The following LGR4 variants were observed in gnomAD, a reference collection of about 807,000 sequenced individuals.
The protein encoded by LGR4 is leucine rich repeat containing G protein-coupled receptor 4.
Under a neutral mutation model 84.8 loss-of-function variants are expected in LGR4, and 44 were observed. The observed-to-expected ratio is 0.52, with a 90% CI of 0.41 to 0.67. LGR4 has a LOEUF of 0.67. LGR4 is among the 30% of genes least tolerant of loss of function. LGR4 has a pLI of 0.00. For missense variants in LGR4, 1,032 were observed against 1,131.4 expected, an observed-to-expected ratio of 0.91 and a Z score of 1.26; for synonymous variants, 429 against 434.3, an observed-to-expected ratio of 0.99 and a Z score of 0.15.
intron 17 of LGR4, 145 bp from the exon 18 acceptor site, chr11:27,369,288 C>A: frequency 1.9e-6 from 1 of 534,614 alleles, no homozygotes; most frequent in Non-Finnish European, 3.0e-6. Flanking sequence ...ATTACTAGTT[C>A]TAAGATATTT....
intron 2 of LGR4, among the ~76,000 whole-genome samples, chr11:27,402,410 GA>G (rs1863521029): frequency 8.1e-6 from 1 of 123,050 alleles, no homozygotes; most frequent in South Asian, 2.4e-4. Flanking sequence ...GAGCACACTA[GA>G]AAGTAAGGAG....
chr11:27,402,049 T>C (rs1863514893), intron 2 of LGR4, among the ~76,000 whole-genome samples: 1 of 152,182 alleles, frequency 6.6e-6, no homozygotes, highest in African/African-American at 2.4e-5. Flanking sequence ...AGAGGTACTC[T>C]GGCAGACAGA....
chr11:27,381,581 C>A (rs1446053467), intron 7 of LGR4, among the ~76,000 whole-genome samples: 1 of 152,080 alleles, frequency 6.6e-6, no homozygotes, highest in African/African-American at 2.4e-5. Context: ...ACCCAGGAAG[C>A]TAAGATGGGA....
chr11:27,451,765 C>T (rs1187744091), intron 1 of LGR4, among the ~76,000 whole-genome samples: 1 of 152,164 alleles, frequency 6.6e-6, no homozygotes, highest in Non-Finnish European at 1.5e-5. Context: ...AAACACCATT[C>T]AGCTACTAAT....
intron 9 of LGR4, 48 bp downstream of exon 9, chr11:27,380,590 TAA>T: frequency 8.0e-7 from 1 of 1,251,262 alleles, no homozygotes; most frequent in Non-Finnish European, 1.1e-6. Flanking sequence ...TGTTTTCCAC[TAA>T]AACAACTGTA....
intron 2 of LGR4, among the ~76,000 whole-genome samples, chr11:27,393,894 G>A: frequency 8.4e-6 from 1 of 118,378 alleles, no homozygotes. Flanking sequence ...CCTGGGAAGT[G>A]TAATCCTTAC....
At chr11:27,431,796 G>A (rs953532736) in intron 1 of LGR4, among the ~76,000 whole-genome samples, 4 of 152,210 alleles carry the variant, frequency 2.6e-5, no homozygotes, top group Non-Finnish European at 5.9e-5. Context: ...AGTAGAACAT[G>A]ACTTTCAGCA....
intron 1 of LGR4, among the ~76,000 whole-genome samples, chr11:27,466,529 C>T (rs1864780648): frequency 6.6e-6 from 1 of 152,142 alleles, no homozygotes; most frequent in African/African-American, 2.4e-5. Flanking sequence ...AGAGATAGAC[C>T]TGACAGAGAC....
In LGR4 at chr11:27,369,151, A is replaced by G. The variant is rs1437883036; in HGVS notation, c.1580-8T>C. On this transcript the variant is annotated splice_polypyrimidine_tract_variant and splice_region_variant and intron_variant, in intron 17 of 17. Coordinates refer to ENST00000379214, the MANE Select transcript of LGR4 (RefSeq NM_018490.5). Reference sequence around the variant, plus strand: ...CACAGGGCTTAAAAGCACCTAAAAAAAACACACACAGAGAGAGAGAAATAA... The same window carrying G: ...CACAGGGCTTAAAAGCACCTAAAAAGAACACACACAGAGAGAGAGAAATAA... 6.4e-7 allele frequency: 1 copy of G among 1,571,148 alleles called. No homozygotes were observed. The highest frequency in any genetic ancestry group is 1.2e-5 in the South Asian group (1 of 84,292).
At chr11:27,399,185 A>G (rs745861407) in intron 2 of LGR4, among the ~76,000 whole-genome samples, 6 of 152,120 alleles carry the variant, frequency 3.9e-5, no homozygotes, top group African/African-American at 7.2e-5. Flanking sequence ...TCCTGGGATT[A>G]CAGGTGTGAG....
chr11:27,437,660 A>AGTGTGT (rs10659033), intron 1 of LGR4, among the ~76,000 whole-genome samples: 34,814 of 139,858 alleles, frequency 0.25, 4,907 homozygotes, highest in East Asian at 0.35. Context: ...TTAAAGGACT[A>AGTGTGT]GTGTGTGTGT....
At chr11:27,450,060 T>C (rs543242344) in intron 1 of LGR4, among the ~76,000 whole-genome samples, 2 of 152,376 alleles carry the variant, frequency 1.3e-5, no homozygotes, top group South Asian at 4.1e-4. Flanking sequence ...TGTGATATTC[T>C]GCTTTCCAAA....
intron 16 of LGR4, 68 bp from the exon 17 acceptor site, chr11:27,371,766 C>A: frequency 2.6e-6 from 3 of 1,167,422 alleles, no homozygotes; most frequent in Non-Finnish European, 2.5e-6. Flanking sequence ...TATTTTCCTG[C>A]AATTTTCTCT....
At chr11:27,442,471 T>G (rs369352663) in intron 1 of LGR4, among the ~76,000 whole-genome samples, 22 of 152,216 alleles carry the variant, frequency 1.4e-4, no homozygotes, top group East Asian at 3.8e-4. Flanking sequence ...GGGGCCTCAT[T>G]CTTCCATTTT....
intron 1 of LGR4, among the ~76,000 whole-genome samples, chr11:27,461,231 C>T (rs566237208): frequency 2.0e-5 from 3 of 151,456 alleles, no homozygotes; most frequent in East Asian, 3.9e-4. Flanking sequence ...ATAGGAGCAC[C>T]GTGGCTCACA....
intron 2 of LGR4, among the ~76,000 whole-genome samples, chr11:27,411,096 A>C (rs1195549424): frequency 6.6e-6 from 1 of 152,052 alleles, no homozygotes. Context: ...GAATGAGGGG[A>C]GCTTCTCCAT....
In LGR4 at chr11:27,380,833, G is replaced by C. The variant is rs11029987; in HGVS notation, c.830+62C>G. ...CTTCTCATTCTTTATCAGGGTGTTT[G>C]GCATTGTACGGACACAGCTTCACAT... On this transcript the variant is annotated intron_variant, in intron 8 of 17. Coordinates refer to ENST00000379214, the MANE Select transcript of LGR4 (RefSeq NM_018490.5). 11,079 of 1,192,558 alleles carry C rather than the reference G, an allele frequency of 9.3e-3. 435 individuals carry two copies. The African/African-American group carries it at 0.11, about 11-fold the overall frequency. The allele number at this position is 1,192,558 out of a possible 1,614,324, so 73.9% of individuals were successfully genotyped here.
At chr11:27,470,050 A>C (rs1211201180) in intron 1 of LGR4, among the ~76,000 whole-genome samples, 1 of 152,196 alleles carries the variant, frequency 6.6e-6, no homozygotes, top group African/African-American at 2.4e-5. Flanking sequence ...ACTAAGGAGA[A>C]ATAAGGAGTC....
At chr11:27,461,882 C>T (rs1473345759) in intron 1 of LGR4, among the ~76,000 whole-genome samples, 3 of 115,270 alleles carry the variant, frequency 2.6e-5, no homozygotes, top group African/African-American at 3.3e-5. Flanking sequence ...CTCACTCTGT[C>T]GTCCAGGCTG....
Sources: gnomAD v4.1 joint callset for allele counts (sites outside exome capture counted in the v4.1 genomes callset) on GRCh38, gnomAD v4.1.1 for gene constraint, MANE v1.5 for transcripts, NCBI Gene and HGNC (gene_info 2026-07-23, HGNC 2026-07-21) for gene names.